NUP210: variants seen among roughly 807,000 people sequenced by gnomAD.
NUP210 encodes nuclear pore membrane glycoprotein 210.
Under a neutral mutation model 196.0 loss-of-function variants are expected in NUP210, and 151 were observed. That is an observed-to-expected ratio of 0.77 (90% CI 0.67 to 0.88). The LOEUF is 0.88. Among genes scored for constraint, NUP210 ranks in the 40% least tolerant of loss-of-function variants. The pLI is 0.00. For synonymous variants in NUP210, 1,070 were observed against 1,052.7 expected (o/e 1.02, Z -0.32); for missense variants, 2,314 against 2,493.7 (o/e 0.93, Z 1.53).
intron 1 of NUP210, among the ~76,000 whole-genome samples, chr3:13,405,641 G>T (rs932352400): frequency 6.6e-6 from 1 of 152,126 alleles, no homozygotes; most frequent in Non-Finnish European, 1.5e-5. Context: ...TATAAGAAAT[G>T]AGAAGGGCAA....
chr3:13,377,946 C>T (rs534940510), intron 8 of NUP210, among the ~76,000 whole-genome samples: 16 of 150,974 alleles, frequency 1.1e-4, no homozygotes, highest in Non-Finnish European at 1.8e-4. Context: ...CCTACACCAC[C>T]CACCTGGAGG....
chr3:13,344,718 T>C (rs1697653028), intron 20 of NUP210: 1 of 155,844 alleles, frequency 6.4e-6, no homozygotes, highest in African/African-American at 2.4e-5. Flanking sequence ...CCACTCCAGA[T>C]TCCATGCACA....
At chr3:13,369,977 C>T (rs1220108732) in intron 13 of NUP210, among the ~76,000 whole-genome samples, 1 of 152,184 alleles carries the variant, frequency 6.6e-6, no homozygotes, top group Non-Finnish European at 1.5e-5. Context: ...GCTACCTGTG[C>T]TCTGAGCCTG....
At position 13,351,887 on chromosome 3, in the gene NUP210, C is replaced by T; in HGVS notation, c.2827G>A (p.Val943Ile). Residue 943 changes from valine (V) to isoleucine (I), a missense_variant, in exon 20 of 40, where the codon GTC (valine) becomes ATC (isoleucine). Transcript: ENST00000254508. ...VKVAYQEARG[V>I]AMVHPLLPGS... ...CGATGGCCCAAGCTTACCATGGCGACACCCCTGGCCTCCTGGTAGGCCACC... is the reference window on the plus strand; with the variant it reads ...CGATGGCCCAAGCTTACCATGGCGATACCCCTGGCCTCCTGGTAGGCCACC... The T allele has an allele frequency of 1.2e-6, 2 of 1,611,366 alleles. No individual in the cohort carries two copies. Among genetic ancestry groups the T allele is most frequent in the South Asian group, 1.1e-5 (1 of 90,984 alleles).
rs938123753 is a variant in NUP210 at position 13,317,305 on chromosome 3, C to T, written c.*376G>A. The T allele has an allele frequency of 1.9e-5, 5 of 264,936 alleles. No individual in the cohort carries two copies. The highest frequency in any genetic ancestry group is 4.6e-5 in the African/African-American group (2 of 43,116). The allele number at this position is 264,936 out of a possible 1,614,324, so 16.4% of individuals were successfully genotyped here. A position where few individuals can be genotyped will look rare whatever the true frequency, so the allele number is the denominator to read the frequency against. On this transcript the variant is annotated 3_prime_UTR_variant, in exon 40 of 40. Coordinates refer to ENST00000254508, the MANE Select transcript of NUP210 (RefSeq NM_024923.4). ...GAGACCACTACAGTAACATCACCCACAGACAACTTCTAAAGAGCACTTCTA... is the reference window on the plus strand; with the variant it reads ...GAGACCACTACAGTAACATCACCCATAGACAACTTCTAAAGAGCACTTCTA...
intron 3 of NUP210, among the ~76,000 whole-genome samples, chr3:13,394,523 G>A (rs1285139723): frequency 6.6e-6 from 1 of 152,246 alleles, no homozygotes; most frequent in African/African-American, 2.4e-5. Flanking sequence ...AGTGCATCCA[G>A]CGGGAAACAG....
At chr3:13,408,955 A>C (rs1448110834) in intron 1 of NUP210, among the ~76,000 whole-genome samples, 1 of 152,078 alleles carries the variant, frequency 6.6e-6, no homozygotes, top group African/African-American at 2.4e-5. Flanking sequence ...GCTGAGACTG[A>C]GCTCTGGTGC....
At position 13,389,258 on chromosome 3, in the gene NUP210, TG is replaced by T. The variant is rs1189160371; in HGVS notation, c.534-806del. ...GATTTCTGTTAGCATTTGGCTCAGG[TG>T]CAGAGCTAGCTGCCTGGAAGCTCAA... On this transcript the variant is annotated intron_variant, in intron 4 of 39. Transcript: ENST00000254508. Among the ~76,000 whole-genome samples the T allele has an allele frequency of 7.9e-5, 12 of 152,314 alleles. 1 individual carries two copies. The South Asian group carries it at 2.1e-3, about 26-fold the overall frequency.
At chr3:13,337,487 G>T (rs115556644) in intron 26 of NUP210, among the ~76,000 whole-genome samples, 1 of 152,342 alleles carries the variant, frequency 6.6e-6, no homozygotes, top group African/African-American at 2.4e-5. Context: ...GCTCATCTGC[G>T]ACACGAAGAT....
chr3:13,345,005 C>T, intron 20 of NUP210: 1 of 985,394 alleles, frequency 1.0e-6, no homozygotes, highest in African/African-American at 1.7e-5. Flanking sequence ...TTGATGGGAC[C>T]CACAGTGCAC....
At chr3:13,413,742 T>C (rs1700253737) in intron 1 of NUP210, among the ~76,000 whole-genome samples, 1 of 152,112 alleles carries the variant, frequency 6.6e-6, no homozygotes, top group African/African-American at 2.4e-5. Context: ...TTTGGGAAGA[T>C]GAAAGAGTTC....
chr3:13,353,686 C>G (rs368036660), intron 17 of NUP210, 26 bp from the exon 18 acceptor site: 1 of 1,593,200 alleles, frequency 6.3e-7, no homozygotes, highest in Non-Finnish European at 8.6e-7. Context: ...AGGAAGCCAC[C>G]GTTGGATGTC....
At chr3:13,407,156 C>T (rs995669248) in intron 1 of NUP210, among the ~76,000 whole-genome samples, 1 of 152,208 alleles carries the variant, frequency 6.6e-6, no homozygotes, top group Non-Finnish European at 1.5e-5. Flanking sequence ...GCTCTTCTCA[C>T]AGCTCTCAGA....
At chr3:13,400,823 G>T (rs1332280478) in intron 1 of NUP210, among the ~76,000 whole-genome samples, 6 of 152,210 alleles carry the variant, frequency 3.9e-5, no homozygotes, top group Non-Finnish European at 8.8e-5. Context: ...GTCTCTCGGG[G>T]CCGCACCCGG....
intron 11 of NUP210, 92 bp from the exon 12 acceptor site, chr3:13,373,965 T>TG: frequency 7.1e-7 from 1 of 1,405,244 alleles, no homozygotes; most frequent in Non-Finnish European, 9.8e-7. Flanking sequence ...TGCATGCACG[T>TG]ACTCACACTC....
chr3:13,341,189 G>A (rs1302973096), intron 23 of NUP210: 1 of 152,546 alleles, frequency 6.6e-6, no homozygotes, highest in Non-Finnish European at 1.5e-5. Flanking sequence ...CTGCAGTGGG[G>A]CTCCTGTCAT....
chr3:13,377,749 CACCTGCAGGCCCCACACCACTT>C (rs1698965645), intron 8 of NUP210, among the ~76,000 whole-genome samples, 187 bp from the exon 9 acceptor site: 1 of 145,164 alleles, frequency 6.9e-6, no homozygotes, highest in Non-Finnish European at 1.5e-5. Flanking sequence ...CCACTCCACC[CACCTGCAGGCCCCACACCACTT>C]ACCTGGAGGC....
chr3:13,382,035 T>C (rs553358027), intron 6 of NUP210, among the ~76,000 whole-genome samples: 44 of 152,308 alleles, frequency 2.9e-4, no homozygotes, highest in African/African-American at 1.0e-3. Flanking sequence ...GATTCAAAGT[T>C]CCTTCTACAA....
At chr3:13,317,889 C>T (rs2125175142) in intron 39 of NUP210, 108 bp from the exon 40 acceptor site, 3 of 753,398 alleles carry the variant, frequency 4.0e-6, no homozygotes, top group East Asian at 2.7e-5. Context: ...GACACTCTCA[C>T]AGTGATGCCC....
Sources: allele counts gnomAD v4.1 joint callset (sites outside exome capture counted in the v4.1 genomes callset), GRCh38; gene constraint gnomAD v4.1.1; transcripts MANE v1.5; gene names NCBI Gene and HGNC (gene_info 2026-07-23, HGNC 2026-07-21).